The following LRP1B variants were observed in gnomAD, a reference collection of about 807,000 sequenced individuals.
LRP1B encodes low-density lipoprotein receptor-related protein 1B.
A neutral mutation model predicts 556.6 loss-of-function variants in LRP1B; 217 were observed. That is an observed-to-expected ratio of 0.39 (90% CI 0.35 to 0.44). The LOEUF is 0.44. Ranked by LOEUF, LRP1B falls within the 20% of genes least tolerant of loss-of-function variation. LRP1B has a pLI of 1.00. For missense variants in LRP1B, 5,053 were observed against 5,620.8 expected (o/e 0.90, Z 3.23); for synonymous variants, 2,047 against 1,865.8 (o/e 1.10, Z -2.50).
intron 3 of LRP1B, among the ~76,000 whole-genome samples, chr2:141,256,541 G>A (rs950048817): frequency 3.3e-5 from 5 of 151,934 alleles, no homozygotes; most frequent in African/African-American, 4.8e-5. Flanking sequence ...CCTAACAGTA[G>A]AGAGAAAGAT....
chr2:141,131,771 C>A (rs1002686932), intron 7 of LRP1B, among the ~76,000 whole-genome samples: 20 of 151,948 alleles, frequency 1.3e-4, no homozygotes, highest in African/African-American at 4.8e-4. Context: ...TTTAAAAAGT[C>A]TTTGATAGTG....
At chr2:141,413,532 A>G (rs1417253634) in intron 3 of LRP1B, among the ~76,000 whole-genome samples, 1 of 152,156 alleles carries the variant, frequency 6.6e-6, no homozygotes, top group Non-Finnish European at 1.5e-5. Context: ...ACTTTGTTTG[A>G]TTTGCGAATT....
chr2:140,277,239 T>A (rs534982343), intron 84 of LRP1B, among the ~76,000 whole-genome samples: 1 of 152,104 alleles, frequency 6.6e-6, no homozygotes, highest in Non-Finnish European at 1.5e-5. Context: ...AAAACTTATC[T>A]GCAGTATGCT....
At chr2:141,810,712 T>C (rs1696327882) in intron 1 of LRP1B, among the ~76,000 whole-genome samples, 1 of 152,086 alleles carries the variant, frequency 6.6e-6, no homozygotes, top group Non-Finnish European at 1.5e-5. Context: ...TTCCAGCAAG[T>C]TAGTTTTATA....
intron 18 of LRP1B, among the ~76,000 whole-genome samples, chr2:140,965,560 A>AACT (rs1696183647): frequency 1.3e-5 from 2 of 151,668 alleles, no homozygotes; most frequent in Admixed American, 1.3e-4. Flanking sequence ...ATTTTCTTTT[A>AACT]ATTTTTTTAT....
chr2:141,815,034 A>C (rs1341837355), intron 1 of LRP1B, among the ~76,000 whole-genome samples: 1 of 152,158 alleles, frequency 6.6e-6, no homozygotes, highest in East Asian at 1.9e-4. Flanking sequence ...GTTCAAGTAC[A>C]GTGAGTTCTA....
In LRP1B at chr2:141,601,202, GTATCTATCTATCTATC is replaced by G. The variant is rs4008441; in HGVS notation, c.206-120685_206-120670del. Among the ~76,000 whole-genome samples, 17 of 148,938 alleles carry G rather than the reference GTATCTATCTATCTATC, an allele frequency of 1.1e-4. No individual in the cohort carries two copies. In the East Asian group the frequency reaches 2.0e-3, roughly 18 times the overall value. On this transcript the variant is annotated intron_variant, in intron 2 of 90. Coordinates refer to ENST00000389484, the MANE Select transcript of LRP1B (RefSeq NM_018557.3). ...ACATATAGTATCTGTCTGTCTGTCAGTATCTATCTATCTATCTATCTATCTATCTATCTATCTATCT... is the reference window on the plus strand; with the variant it reads ...ACATATAGTATCTGTCTGTCTGTCAGTATCTATCTATCTATCTATCTATCT...
intron 27 of LRP1B, 148 bp from the exon 28 acceptor site, chr2:140,851,931 G>T: frequency 1.8e-6 from 1 of 557,018 alleles, no homozygotes; most frequent in Non-Finnish European, 3.1e-6. Context: ...GACAATAATA[G>T]ACAATCATAC....
intron 2 of LRP1B, among the ~76,000 whole-genome samples, chr2:141,584,170 G>A (rs982169072): frequency 4.0e-5 from 6 of 151,356 alleles, no homozygotes; most frequent in East Asian, 2.0e-4. Flanking sequence ...ACTGGAGCCC[G>A]GGAGACAAAG....
At chr2:140,745,657 T>A (rs1291875982) in intron 35 of LRP1B, among the ~76,000 whole-genome samples, 1 of 152,138 alleles carries the variant, frequency 6.6e-6, no homozygotes, top group Non-Finnish European at 1.5e-5. Context: ...ATTTGTTCCC[T>A]TTCATGAAAG....
intron 1 of LRP1B, among the ~76,000 whole-genome samples, chr2:142,017,177 T>C (rs1049405989): frequency 1.3e-4 from 20 of 152,022 alleles, no homozygotes; most frequent in African/African-American, 4.6e-4. Context: ...AATTGAAATA[T>C]TAGTCTTAGA....
intron 43 of LRP1B, among the ~76,000 whole-genome samples, chr2:140,597,002 A>G (rs1682467962): frequency 6.6e-6 from 1 of 152,186 alleles, no homozygotes; most frequent in Non-Finnish European, 1.5e-5. Flanking sequence ...AACAGTCCAT[A>G]AATAGTCCCT....
At chr2:141,388,304 T>C (rs909850660) in intron 3 of LRP1B, among the ~76,000 whole-genome samples, 1 of 151,928 alleles carries the variant, frequency 6.6e-6, no homozygotes, top group Non-Finnish European at 1.5e-5. Flanking sequence ...GGTATGGTGG[T>C]GGGTGCCTGT....
At chr2:142,091,187 T>C (rs906759854) in intron 1 of LRP1B, among the ~76,000 whole-genome samples, 3 of 152,164 alleles carry the variant, frequency 2.0e-5, no homozygotes, top group Admixed American at 6.6e-5. Context: ...ATTTCATATT[T>C]ATCTACAACT....
At chr2:141,438,810 A>C (rs1416960757) in intron 3 of LRP1B, among the ~76,000 whole-genome samples, 1 of 152,172 alleles carries the variant, frequency 6.6e-6, no homozygotes, top group African/African-American at 2.4e-5. Context: ...TCTAGATTGA[A>C]GAACAATTAA....
rs538477860 is a variant in LRP1B at position 140,460,978 on chromosome 2, G to A, written c.9626-3327C>T. 3.0e-4 allele frequency among the ~76,000 whole-genome samples: 45 copies of A among 151,024 alleles called. No homozygotes were observed. The South Asian group carries it at 4.2e-3, about 14-fold the overall frequency. Reference sequence around the variant, plus strand: ...ATGACAAATAGAAAAAGTGGCCATCGCTTGAACCCGGGAGGTGGAGGTTGC... The same window carrying A: ...ATGACAAATAGAAAAAGTGGCCATCACTTGAACCCGGGAGGTGGAGGTTGC... On this transcript the variant is annotated intron_variant, in intron 60 of 90. Transcript: ENST00000389484.
At chr2:141,336,845 C>T (rs1687864661) in intron 3 of LRP1B, among the ~76,000 whole-genome samples, 1 of 152,102 alleles carries the variant, frequency 6.6e-6, no homozygotes, top group Non-Finnish European at 1.5e-5. Flanking sequence ...ATACAGCATG[C>T]CTTCAGGAGC....
At chr2:140,624,259 T>G (rs1407693217) in intron 41 of LRP1B, among the ~76,000 whole-genome samples, 1 of 152,006 alleles carries the variant, frequency 6.6e-6, no homozygotes, top group Non-Finnish European at 1.5e-5. Flanking sequence ...GCAAACAGAC[T>G]GTATATACCA....
chr2:141,376,111 C>T (rs1046599827), intron 3 of LRP1B, among the ~76,000 whole-genome samples: 23 of 152,234 alleles, frequency 1.5e-4, no homozygotes, highest in African/African-American at 4.6e-4. Flanking sequence ...TAGCAGCAGC[C>T]GCCATGTCTG....
Sources: allele counts gnomAD v4.1 joint callset (sites outside exome capture counted in the v4.1 genomes callset), GRCh38; gene constraint gnomAD v4.1.1; transcripts MANE v1.5; gene names NCBI Gene and HGNC (gene_info 2026-07-23, HGNC 2026-07-21).